The following NGEF variants were observed in gnomAD, a reference collection of about 807,000 sequenced individuals.
The protein encoded by NGEF is ephexin-1.
A neutral mutation model predicts 80.9 loss-of-function variants in NGEF; 31 were observed. That is an observed-to-expected ratio of 0.38 (90% confidence interval 0.29 to 0.52). The LOEUF (loss-of-function observed/expected upper bound fraction) is 0.52, where lower values mean the gene tolerates loss of function less well. Among genes scored for constraint, NGEF ranks in the 20% least tolerant of loss-of-function variants. NGEF has a pLI of 0.84. For synonymous variants in NGEF, 371 were observed against 370.2 expected, an observed-to-expected ratio of 1.00 and a Z score of -0.03; for missense variants, 709 against 926.2, an observed-to-expected ratio of 0.77 and a Z score of 3.04.
intron 1 of NGEF, among the ~76,000 whole-genome samples, chr2:232,978,876 G>A (rs148924723): frequency 1.2e-3 from 182 of 152,300 alleles, no homozygotes; most frequent in African/African-American, 4.3e-3. Context: ...GAGCACAGGC[G>A]CCCGCCTAAT....
intron 5 of NGEF, chr2:232,901,270 G>T: frequency 4.4e-6 from 3 of 680,152 alleles, no homozygotes; most frequent in Non-Finnish European, 5.4e-6. Flanking sequence ...TGTCCTCGGA[G>T]TCCCACTCCT....
Position 232,927,206 on chromosome 2 carries a change from A to C in NGEF, c.384-20T>G, listed in dbSNP as rs1559211671. The C allele has an allele frequency of 6.5e-7, 1 of 1,545,922 alleles. No homozygotes were observed. Among genetic ancestry groups the C allele is most frequent in the East Asian group, 2.3e-5 (1 of 43,658 alleles). Reference sequence around the variant, plus strand: ...GACTCACTGCCAGAGAGGGAGGAGGACAGGGGCTGGTTATTTTTAAGCAAG... The same window carrying C: ...GACTCACTGCCAGAGAGGGAGGAGGCCAGGGGCTGGTTATTTTTAAGCAAG... On this transcript the variant is annotated intron_variant, in intron 3 of 14. Transcript: ENST00000264051.
At chr2:232,983,714 C>T (rs891323640) in intron 1 of NGEF, among the ~76,000 whole-genome samples, 2 of 152,254 alleles carry the variant, frequency 1.3e-5, no homozygotes, top group African/African-American at 4.8e-5. Context: ...GTCTCGGTCT[C>T]GTGTAGGGTT....
intron 3 of NGEF, among the ~76,000 whole-genome samples, chr2:232,952,109 C>A (rs138522933): frequency 7.2e-5 from 11 of 152,182 alleles, no homozygotes; most frequent in Admixed American, 2.0e-4. Flanking sequence ...CTGTTGGAGA[C>A]GGGGTGAGGG....
intron 8 of NGEF, chr2:232,890,816 C>G (rs545116965): frequency 1.4e-4 from 62 of 442,220 alleles, no homozygotes; most frequent in South Asian, 9.8e-4. Flanking sequence ...AGGTGACTCC[C>G]ATCACACTGA....
chr2:232,965,623 T>C (rs562605297), intron 3 of NGEF, among the ~76,000 whole-genome samples: 1 of 152,270 alleles, frequency 6.6e-6, no homozygotes, highest in Non-Finnish European at 1.5e-5. Context: ...GAGAAATGCA[T>C]ATTTTGGACT....
Position 232,879,433 on chromosome 2 carries a change from C to CCG in NGEF, c.*55_*56insCG, listed in dbSNP as rs1491095761. The CCG allele has an allele frequency of 7.1e-7, 1 of 1,418,232 alleles. No individual in the cohort carries two copies. The highest frequency in any genetic ancestry group is 1.5e-5 in the African/African-American group (1 of 65,066). The allele number at this position is 1,418,232 out of a possible 1,614,324, so 87.9% of individuals were successfully genotyped here. The stretch of plus-strand genomic sequence containing the variant: ...GTGCTTCCCAGAGCCCCCCCCCCCC[C>CCG]ACCTTCTGTCGGGGTCTCATGCAGG... On this transcript the variant is annotated 3_prime_UTR_variant, in exon 15 of 15. Transcript: ENST00000264051.
At chr2:232,970,746 C>T (rs1694168449) in intron 2 of NGEF, among the ~76,000 whole-genome samples, 1 of 150,054 alleles carries the variant, frequency 6.7e-6, no homozygotes. Flanking sequence ...ACCTGGCAGG[C>T]GGAGGTTGCA....
chr2:232,892,269 C>T lies in NGEF; in HGVS notation c.1142+629G>A, dbSNP rs13424896. ...TGTCTTGGTGGAAAAGCCAGTGAGG[C>T]GCAATGTGCAGACGCCACAACTGGA... is the stretch of plus-strand genomic sequence containing the variant. On this transcript the variant is annotated intron_variant, in intron 7 of 14. Coordinates refer to ENST00000264051, the MANE Select transcript of NGEF (RefSeq NM_019850.3). This position sits in a 1 kb window ranked among gnomAD's most constrained non-coding sequence, Gnocchi z 4.0. 0.19 allele frequency among the ~76,000 whole-genome samples: 28,516 copies of T among 152,052 alleles called. 2,956 individuals are homozygous for T. Among genetic ancestry groups the T allele is most frequent in the Non-Finnish European group, 0.22 (15,016 of 67,970 alleles).
chr2:232,880,742 G>A (rs1471758745), intron 14 of NGEF, among the ~76,000 whole-genome samples: 1 of 152,190 alleles, frequency 6.6e-6, no homozygotes, highest in Non-Finnish European at 1.5e-5. Flanking sequence ...GAGCCTGGCA[G>A]TCACAGGCTT....
chr2:232,953,194 G>C (rs1375780991), intron 3 of NGEF, among the ~76,000 whole-genome samples: 1 of 150,652 alleles, frequency 6.6e-6, no homozygotes, highest in Non-Finnish European at 1.5e-5. Flanking sequence ...CCTAGCTAGT[G>C]GGGAGACTGA....
chr2:232,903,656 C>A (rs1002780252), intron 5 of NGEF, among the ~76,000 whole-genome samples: 1 of 152,204 alleles, frequency 6.6e-6, no homozygotes, highest in African/African-American at 2.4e-5. Flanking sequence ...TGCTTTCTAA[C>A]GCCTAGCTGA....
At chr2:232,953,030 G>A (rs1360439498) in intron 3 of NGEF, among the ~76,000 whole-genome samples, 1 of 147,268 alleles carries the variant, frequency 6.8e-6, no homozygotes, top group Admixed American at 6.8e-5. Flanking sequence ...GGGGCCAGGC[G>A]CAGTGGCTCA....
chr2:232,928,562 C>T (rs1693146579), intron 3 of NGEF, among the ~76,000 whole-genome samples: 2 of 152,152 alleles, frequency 1.3e-5, no homozygotes, highest in South Asian at 4.1e-4. Flanking sequence ...AAGCTCCGAG[C>T]CCGGCCTCGG....
chr2:232,930,027 G>A (rs1423837876), intron 3 of NGEF, among the ~76,000 whole-genome samples: 1 of 152,160 alleles, frequency 6.6e-6, no homozygotes, highest in Non-Finnish European at 1.5e-5. Context: ...CTTCTGCCAT[G>A]ATTGTGAGGC....
At chr2:233,009,777 G>C (rs1433066526) in intron 1 of NGEF, among the ~76,000 whole-genome samples, 1 of 152,180 alleles carries the variant, frequency 6.6e-6, no homozygotes, top group African/African-American at 2.4e-5. Context: ...GCAGAAGTGA[G>C]GGATGAATTT....
At chr2:232,981,197 G>T in intron 1 of NGEF, among the ~76,000 whole-genome samples, 1 of 48,426 alleles carries the variant, frequency 2.1e-5, no homozygotes, top group African/African-American at 1.3e-4. Flanking sequence ...TTGTGACAGT[G>T]AAAGAAATCA....
At chr2:232,925,765 A>G (rs2880986) in intron 4 of NGEF, among the ~76,000 whole-genome samples, 65,795 of 151,778 alleles carry the variant, frequency 0.43, 14,321 homozygotes, top group Admixed American at 0.46. Flanking sequence ...GCAGAGCTGG[A>G]AGAAAGCGGT....
At chr2:232,941,848 G>A (rs532619663) in intron 3 of NGEF, among the ~76,000 whole-genome samples, 7 of 152,170 alleles carry the variant, frequency 4.6e-5, no homozygotes, top group Non-Finnish European at 8.8e-5. Flanking sequence ...AAAGAATCAC[G>A]AATTCAACTT....
Sources: gnomAD v4.1 joint callset for allele counts (sites outside exome capture counted in the v4.1 genomes callset) on GRCh38, gnomAD v4.1.1 for gene constraint, Gnocchi (gnomAD v3.1) non-coding constraint, MANE v1.5 for transcripts, NCBI Gene and HGNC (gene_info 2026-07-23, HGNC 2026-07-21) for gene names.